TSC22D1: variants seen among roughly 807,000 people sequenced by gnomAD.
TSC22D1 encodes TSC22 domain family member 1.
Under a neutral mutation model 74.2 loss-of-function variants are expected in TSC22D1, and 9 were observed. The ratio of observed to expected loss-of-function variants is 0.12; its 90% CI spans 0.07 to 0.21. The LOEUF is 0.21. TSC22D1 is among the 10% of genes least tolerant of loss of function. The pLI, the probability that TSC22D1 is intolerant of heterozygous loss-of-function variation, is 1.00. For synonymous variants in TSC22D1, 586 were observed against 492.5 expected (o/e 1.19, Z -2.51); for missense variants, 1,427 against 1,304.7 (o/e 1.09, Z -1.44).
chr13:44,488,302 G>A (rs910696930), intron 1 of TSC22D1, among the ~76,000 whole-genome samples: 4 of 152,068 alleles, frequency 2.6e-5, no homozygotes, highest in South Asian at 2.1e-4. Context: ...TGCTGTAAGT[G>A]CAAAATACAC....
intron 1 of TSC22D1, among the ~76,000 whole-genome samples, chr13:44,525,631 T>C (rs1281168025): frequency 6.6e-6 from 1 of 151,756 alleles, no homozygotes; most frequent in East Asian, 1.9e-4. Flanking sequence ...GAAACCCAAA[T>C]ACCACAGAGT....
intron 1 of TSC22D1, among the ~76,000 whole-genome samples, chr13:44,450,742 T>C (rs1876058907): frequency 6.6e-6 from 1 of 152,170 alleles, no homozygotes; most frequent in Non-Finnish European, 1.5e-5. Flanking sequence ...TGATAGGCCT[T>C]ACTAGGCAGT....
At position 44,575,280 on chromosome 13, in the gene TSC22D1, A is replaced by G; in HGVS notation, c.795T>C (p.Thr265=). 1 of 1,614,134 alleles carries G rather than the reference A, an allele frequency of 6.2e-7. No individual in the cohort carries two copies. Among genetic ancestry groups the G allele is most frequent in the Non-Finnish European group, 8.5e-7 (1 of 1,180,040 alleles). ...SSPVSRKLST[T]GSSDSITPVA... Reference sequence around the variant, plus strand: ...CTGGTGTGATACTGTCAGAGCTTCCAGTTGTAGAGAGTTTTCTAGATACTG... The same window carrying G: ...CTGGTGTGATACTGTCAGAGCTTCCGGTTGTAGAGAGTTTTCTAGATACTG... Residue 265 remains threonine, a synonymous_variant, in exon 1 of 3, where the codon ACT becomes ACC. Transcript: ENST00000458659.
intron 1 of TSC22D1, among the ~76,000 whole-genome samples, chr13:44,509,651 A>G (rs982796491): frequency 1.3e-5 from 2 of 152,216 alleles, no homozygotes; most frequent in African/African-American, 2.4e-5. Context: ...TATTTTATAC[A>G]CTTAAAAATG....
rs779260235 is a variant in TSC22D1, at chr13:44,434,855, G to A, written c.2993C>T (p.Ala998Val). The change falls in exon 3 of 3, where the codon GCG becomes GTG. Residue 998 changes from alanine (A) to valine (V), a missense_variant. Around this residue, in one of 3 missense-constraint regions of TSC22D1, gnomAD observed 21 missense variants for 62.7 expected, o/e 0.34. Coordinates refer to ENST00000458659, the MANE Select transcript of TSC22D1 (RefSeq NM_183422.4). ...GAGGACCTCCACTTCTTCTCTGACC[G>A]CATACATCAAATGGCTTTTCACTAG... ...MDLVKSHLMY[A>V]VREEVEVLKE... The A allele has an allele frequency of 1.2e-6, 2 of 1,613,204 alleles. No homozygotes were observed. Among genetic ancestry groups the A allele is most frequent in the Non-Finnish European group, 8.5e-7 (1 of 1,179,756 alleles).
intron 1 of TSC22D1, among the ~76,000 whole-genome samples, chr13:44,566,043 A>AC (rs1471015132): frequency 6.6e-6 from 1 of 152,186 alleles, no homozygotes; most frequent in Non-Finnish European, 1.5e-5. Context: ...CAGGCACACC[A>AC]CTGTGATGAC....
intron 1 of TSC22D1, among the ~76,000 whole-genome samples, chr13:44,465,580 G>C (rs927682239): frequency 1.3e-5 from 2 of 152,132 alleles, no homozygotes; most frequent in Admixed American, 1.3e-4. Flanking sequence ...AGACCAGAGG[G>C]GGCACTGGCA....
chr13:44,573,527 T>G lies in TSC22D1; in HGVS notation c.2548A>C (p.Asn850His). The part of the protein sequence containing the change: ...GPSGMPSAPT[N>H]LVPPQNIAQT... Reference sequence around the variant, plus strand: ...GCTATATTTTGTGGTGGAACCAAGTTTGTTGGGGCAGAAGGCATTCCAGAA... The same window carrying G: ...GCTATATTTTGTGGTGGAACCAAGTGTGTTGGGGCAGAAGGCATTCCAGAA... The change falls in exon 1 of 3, where the codon AAC (asparagine) becomes CAC (histidine). Residue 850 changes from asparagine to histidine, a missense_variant. Coordinates refer to ENST00000458659, the MANE Select transcript of TSC22D1 (RefSeq NM_183422.4). 5 of 1,614,192 alleles carry G rather than the reference T, an allele frequency of 3.1e-6. No homozygotes were observed. The highest frequency in any genetic ancestry group is 4.2e-6 in the Non-Finnish European group (5 of 1,180,042).
chr13:44,455,337 C>G (rs1876494002), intron 1 of TSC22D1, among the ~76,000 whole-genome samples: 1 of 152,184 alleles, frequency 6.6e-6, no homozygotes, highest in African/African-American at 2.4e-5. Context: ...CAGCATGATG[C>G]ATCATAGGAC....
At position 44,434,235 on chromosome 13, in the gene TSC22D1, C is replaced by T; in HGVS notation, c.*391G>A. 1.4e-6 allele frequency: 2 copies of T among 1,418,086 alleles called. No individual in the cohort carries two copies. The highest frequency in any genetic ancestry group is 5.4e-5 in the East Asian group (2 of 36,910). 87.8% of individuals were successfully genotyped at this position (1,418,086 alleles called of 1,614,324 possible). ...AGAGAGGCGAGTCCAGTGAGGAGCT[C>T]CATCGCTTCACAACCCCATGTAGGA... On this transcript the variant is annotated 3_prime_UTR_variant, in exon 3 of 3. Transcript: ENST00000458659.
chr13:44,445,910 A>C (rs1875595987), intron 1 of TSC22D1, among the ~76,000 whole-genome samples: 1 of 152,230 alleles, frequency 6.6e-6, no homozygotes, highest in South Asian at 2.1e-4. Context: ...GAAAAATTGG[A>C]ACACATATAT....
At chr13:44,437,366 GTTTTAT>G in intron 1 of TSC22D1, 3 of 568,084 alleles carry the variant, frequency 5.3e-6, no homozygotes, top group Non-Finnish European at 6.7e-6. Flanking sequence ...TTTATAGACG[GTTTTAT>G]TTTTAAAGAT....
Position 44,575,572 on chromosome 13 carries a change from G to T in TSC22D1, c.503C>A (p.Pro168His). 1 of 1,614,020 alleles carries T rather than the reference G, an allele frequency of 6.2e-7. No individual in the cohort carries two copies. The highest frequency in any genetic ancestry group is 8.5e-7 in the Non-Finnish European group (1 of 1,180,028). ...GGTCTCTTCTGAGGAGCTGCGTTCG[G>T]GCTCCCCTAAGTCAGTAGCCCTGGA... is the stretch of plus-strand genomic sequence containing the variant. ...SLSRATDLGE[P>H]ERSSSEETLN... Residue 168 changes from proline to histidine, a missense_variant, in exon 1 of 3, where the codon CCC (proline) becomes CAC (histidine). By Grantham distance (77) the Pro-to-His change is moderately conservative. Around this residue, in one of 3 missense-constraint regions of TSC22D1, gnomAD observed 1,343 missense variants for 1,191.5 expected, o/e 1.13. Coordinates refer to ENST00000458659, the MANE Select transcript of TSC22D1 (RefSeq NM_183422.4).
At chr13:44,552,070 T>G in intron 1 of TSC22D1, among the ~76,000 whole-genome samples, 1 of 152,208 alleles carries the variant, frequency 6.6e-6, no homozygotes. Context: ...AAGTTTATGC[T>G]GGCCATCGTA....
At chr13:44,576,970 G>C (rs561369055), upstream of TSC22D1, 3 of 152,808 alleles carry the variant, frequency 2.0e-5, no homozygotes, top group Admixed American at 1.3e-4. Context: ...CGGCACCCGA[G>C]CCTCTCCGGA....
chr13:44,434,098 ATTGTT>A lies in TSC22D1; in HGVS notation c.*523_*527del. The A allele has an allele frequency of 6.6e-7, 1 of 1,504,516 alleles. No individual in the cohort carries two copies. The highest frequency in any genetic ancestry group is 1.3e-5 in the South Asian group (1 of 77,916). 93.2% of individuals were successfully genotyped at this position (1,504,516 alleles called of 1,614,324 possible). ...TTTGAGAAGAAAGAGGCACAGTACTATTGTTTTTTATGAATTTTGGTGACAGTTGT... is the reference window on the plus strand; with the variant it reads ...TTTGAGAAGAAAGAGGCACAGTACTATTTTATGAATTTTGGTGACAGTTGT... On this transcript the variant is annotated 3_prime_UTR_variant, in exon 3 of 3. Transcript: ENST00000458659.
Position 44,452,084 on chromosome 13 carries a change from G to T in TSC22D1, c.2913-15989C>A, listed in dbSNP as rs139401885. On this transcript the variant is annotated intron_variant, in intron 1 of 2. Transcript: ENST00000458659. ...ATTGCTAGAGACACAAGCTTAGTCC[G>T]ACTTGACAGAAGAGGAGAACTTTGA... Among the ~76,000 whole-genome samples the T allele has an allele frequency of 5.4e-4, 83 of 152,304 alleles. 1 individual carries two copies. The East Asian group carries it at 0.014, about 26-fold the overall frequency.
At chr13:44,508,126 A>G (rs1424638886) in intron 1 of TSC22D1, among the ~76,000 whole-genome samples, 3 of 152,208 alleles carry the variant, frequency 2.0e-5, no homozygotes, top group Non-Finnish European at 4.4e-5. Flanking sequence ...AGAAACTGAC[A>G]AGTGTTTTGC....
chr13:44,509,174 AC>A (rs966601610), intron 1 of TSC22D1, among the ~76,000 whole-genome samples: 3 of 150,628 alleles, frequency 2.0e-5, no homozygotes, highest in Non-Finnish European at 3.0e-5. Flanking sequence ...ACAAAACAGT[AC>A]CCCCCCCAAA....
Sources: gnomAD v4.1 joint callset for allele counts (sites outside exome capture counted in the v4.1 genomes callset) on GRCh38, gnomAD v4.1.1 for gene constraint, gnomAD v4.1.1 regional missense constraint, MANE v1.5 for transcripts, NCBI Gene and HGNC (gene_info 2026-07-23, HGNC 2026-07-21) for gene names.